Variants in ANKS1A observed in about 807,000 individuals in gnomAD.
ANKS1A encodes ankyrin repeat and sterile alpha motif domain containing 1A, also known as ankyrin repeat and SAM domain-containing protein 1A.
In ANKS1A, 55 loss-of-function variants were observed where a neutral mutation model predicts 120.3. The observed-to-expected ratio is 0.46, with a 90% CI of 0.37 to 0.57. ANKS1A has a LOEUF of 0.57. ANKS1A is among the 20% of genes least tolerant of loss of function. The pLI, the probability that ANKS1A is intolerant of heterozygous loss-of-function variation, is 0.00. For missense variants in ANKS1A, 1,123 were observed against 1,480.3 expected, an observed-to-expected ratio of 0.76 and a Z score of 3.96; for synonymous variants, 590 against 604.7, an observed-to-expected ratio of 0.98 and a Z score of 0.36.
chr6:35,090,729 T>C lies in ANKS1A; in HGVS notation c.*2120T>C. 2.0e-6 allele frequency: 2 copies of C among 987,522 alleles called. No individual in the cohort carries two copies. The highest frequency in any genetic ancestry group is 2.4e-6 in the Non-Finnish European group (2 of 831,430). The allele number at this position is 987,522 out of a possible 1,614,324, so 61.2% of individuals were successfully genotyped here. On this transcript the variant is annotated 3_prime_UTR_variant, in exon 24 of 24. Coordinates refer to ENST00000360359, the MANE Select transcript of ANKS1A (RefSeq NM_015245.3). ...CTTCAAGTGGGAAGGCCCCTACTTT[T>C]GCACTTCTCCAAGTGCAGGTCACAC...
intron 9 of ANKS1A, among the ~76,000 whole-genome samples, chr6:34,989,674 G>A (rs4616985): frequency 0.061 from 9,259 of 152,188 alleles, 395 homozygotes; most frequent in Non-Finnish European, 0.092. Context: ...TGCCTCATTA[G>A]CAAGCTTTAG....
rs997089404 is a variant in ANKS1A, at chr6:35,057,929, C to G, written c.2078-2218C>G. 3.9e-5 allele frequency among the ~76,000 whole-genome samples: 6 copies of G among 152,044 alleles called. No homozygotes were observed. Among genetic ancestry groups the G allele is most frequent in the African/African-American group, 1.5e-4 (6 of 41,284 alleles). ...GAACAAAGCTCTAGGAGCAGTCCCT[C>G]TCTATTCTTCCTGACAAGCTGTTTC... On this transcript the variant is annotated intron_variant, in intron 12 of 23. Coordinates refer to ENST00000360359, the MANE Select transcript of ANKS1A (RefSeq NM_015245.3). This position sits in a 1 kb window ranked among gnomAD's most constrained non-coding sequence, Gnocchi z 4.1.
intron 1 of ANKS1A, among the ~76,000 whole-genome samples, chr6:34,942,489 G>A (rs1769582855): frequency 1.3e-5 from 2 of 152,196 alleles, no homozygotes; most frequent in Non-Finnish European, 2.9e-5. Flanking sequence ...GAGTGAGTGA[G>A]GTGGTGGATG....
At chr6:35,033,505 T>A (rs1229559575) in intron 11 of ANKS1A, among the ~76,000 whole-genome samples, 1 of 152,224 alleles carries the variant, frequency 6.6e-6, no homozygotes, top group East Asian at 1.9e-4. Flanking sequence ...ATAAGGTCTT[T>A]GATGAGTCTC....
chr6:34,958,471 C>A (rs1295289310), intron 1 of ANKS1A, among the ~76,000 whole-genome samples: 2 of 152,088 alleles, frequency 1.3e-5, no homozygotes, highest in Admixed American at 6.6e-5. Context: ...ACCTGCTCAG[C>A]ATAATGATGA....
intron 10 of ANKS1A, among the ~76,000 whole-genome samples, chr6:35,003,410 AG>A (rs1773270952): frequency 6.6e-6 from 1 of 152,236 alleles, no homozygotes; most frequent in African/African-American, 2.4e-5. Flanking sequence ...CAGCTGAAAG[AG>A]AGGTCTATAA....
intron 16 of ANKS1A, among the ~76,000 whole-genome samples, chr6:35,080,636 G>A (rs767476191): frequency 2.0e-5 from 3 of 152,234 alleles, no homozygotes; most frequent in Non-Finnish European, 2.9e-5. Flanking sequence ...TAGACACTGA[G>A]AAGCCAGGAT....
intron 1 of ANKS1A, among the ~76,000 whole-genome samples, chr6:34,926,079 T>C (rs763220801): frequency 6.6e-6 from 1 of 152,228 alleles, no homozygotes; most frequent in Non-Finnish European, 1.5e-5. Context: ...TAACCTGTCC[T>C]AGGCCAATGT....
At chr6:35,067,356 T>C (rs1323966766) in intron 13 of ANKS1A, among the ~76,000 whole-genome samples, 1 of 152,164 alleles carries the variant, frequency 6.6e-6, no homozygotes, top group Non-Finnish European at 1.5e-5. Context: ...GCCTCAGAAG[T>C]TGGTCCTGGC....
chr6:35,088,384 G>A (rs962871651), intron 23 of ANKS1A, among the ~76,000 whole-genome samples: 1 of 152,150 alleles, frequency 6.6e-6, no homozygotes, highest in African/African-American at 2.4e-5. Context: ...AAACTGGGTG[G>A]GTCCTGCGTA....
intron 13 of ANKS1A, among the ~76,000 whole-genome samples, chr6:35,076,102 G>A (rs916047596): frequency 6.6e-6 from 1 of 152,086 alleles, no homozygotes; most frequent in Non-Finnish European, 1.5e-5. Flanking sequence ...ACATAGCTAC[G>A]CAGAAAAGAC....
At chr6:34,986,637 T>C (rs547752165) in intron 8 of ANKS1A, among the ~76,000 whole-genome samples, 3 of 152,364 alleles carry the variant, frequency 2.0e-5, no homozygotes, top group Admixed American at 2.0e-4. Context: ...CTTATGATTC[T>C]TAGAGTGTTC....
rs57976333 is a variant in ANKS1A, at chr6:35,060,892, G to A, written c.2184+639G>A. On this transcript the variant is annotated intron_variant, in intron 13 of 23. Transcript: ENST00000360359. The surrounding 1 kb of genome is among the most constrained non-coding windows in gnomAD (Gnocchi z 4.5). ...TAGGACCCTGGGCTCAGGATCTGGT[G>A]CACACTCTGTCATTTCAGAAAGTAG... Among the ~76,000 whole-genome samples, 3,960 of 152,288 alleles carry A rather than the reference G, an allele frequency of 0.026. 62 individuals are homozygous for A. The highest frequency in any genetic ancestry group is 0.058 in the Middle Eastern group (17 of 294).
Position 35,086,417 on chromosome 6 carries a change from G to A in ANKS1A, c.3303+481G>A, listed in dbSNP as rs769805168. On this transcript the variant is annotated intron_variant, in intron 22 of 23. Coordinates refer to ENST00000360359, the MANE Select transcript of ANKS1A (RefSeq NM_015245.3). This position sits in a 1 kb window ranked among gnomAD's most constrained non-coding sequence, Gnocchi z 5.1. ...GTGTGTCAGTCTCCCCGAAGTGACC[G>A]TGAGCGCTCTTAGCCTCTGGCGGCC... The A allele has an allele frequency of 2.6e-4, 327 of 1,247,046 alleles. No individual in the cohort carries two copies. Among genetic ancestry groups the A allele is most frequent in the Non-Finnish European group, 3.3e-4 (310 of 949,588 alleles). 77.2% of individuals were successfully genotyped at this position (1,247,046 alleles called of 1,614,324 possible).
At chr6:35,063,642 A>G (rs1021950876) in intron 13 of ANKS1A, among the ~76,000 whole-genome samples, 4 of 152,238 alleles carry the variant, frequency 2.6e-5, no homozygotes, top group Non-Finnish European at 5.9e-5. Flanking sequence ...AGATGTTTTC[A>G]GTGGCTATCT....
chr6:34,950,614 T>C (rs1034710013), intron 1 of ANKS1A, among the ~76,000 whole-genome samples: 4 of 152,118 alleles, frequency 2.6e-5, no homozygotes, highest in Admixed American at 2.6e-4. Context: ...TGGGGATTGA[T>C]AGCCAAGGAG....
At chr6:35,024,944 G>T (rs189767563) in intron 11 of ANKS1A, among the ~76,000 whole-genome samples, 17 of 152,170 alleles carry the variant, frequency 1.1e-4, no homozygotes, top group African/African-American at 4.1e-4. Flanking sequence ...AAACAAGCAT[G>T]CTGTGTAGTC....
At chr6:34,952,169 G>A (rs1332573431) in intron 1 of ANKS1A, among the ~76,000 whole-genome samples, 2 of 152,058 alleles carry the variant, frequency 1.3e-5, no homozygotes, top group Non-Finnish European at 2.9e-5. Flanking sequence ...ATTTCCTAGG[G>A]TTTCCTTACA....
intron 13 of ANKS1A, among the ~76,000 whole-genome samples, chr6:35,065,743 G>T (rs903869927): frequency 2.0e-5 from 3 of 152,252 alleles, no homozygotes; most frequent in Non-Finnish European, 4.4e-5. Context: ...TCACCCCTGG[G>T]CTGGTCCAGG....
Sources: gnomAD v4.1 joint callset for allele counts (sites outside exome capture counted in the v4.1 genomes callset) on GRCh38, gnomAD v4.1.1 for gene constraint, Gnocchi (gnomAD v3.1) non-coding constraint, MANE v1.5 for transcripts, NCBI Gene and HGNC (gene_info 2026-07-23, HGNC 2026-07-21) for gene names.